TMEM132C: variants seen among roughly 807,000 people sequenced by gnomAD.
The protein encoded by TMEM132C is transmembrane protein 132C, also known as protein phosphatase 1, regulatory subunit 152.
TMEM132C carries 29 observed loss-of-function variants against 61.4 expected under a neutral mutation model. The observed-to-expected ratio is 0.47, with a 90% CI of 0.35 to 0.64. The LOEUF is 0.64. TMEM132C is among the 30% of genes least tolerant of loss of function. The pLI is 0.00. For missense variants in TMEM132C, 1,408 were observed against 1,476.9 expected (o/e 0.95, Z 0.76); for synonymous variants, 656 against 633.1 (o/e 1.04, Z -0.54).
rs186348886 is a variant in TMEM132C at position 128,570,725 on chromosome 12, T to G, written c.1121+26622T>G. Among the ~76,000 whole-genome samples, 4 of 152,338 alleles carry G rather than the reference T, an allele frequency of 2.6e-5. No individual in the cohort carries two copies. In the South Asian group the frequency reaches 6.2e-4, roughly 24 times the overall value. ...GACAGCTATACCCACAGGCATCTTA[T>G]TGTGTTCCAGGTAGAGCAAATGGAG... On this transcript the variant is annotated intron_variant, in intron 3 of 8. Transcript: ENST00000435159. This position sits in a 1 kb window ranked among gnomAD's most constrained non-coding sequence, Gnocchi z 4.7.
Position 128,415,343 on chromosome 12 carries a change from C to A in TMEM132C, c.697C>A (p.His233Asn), listed in dbSNP as rs1161013077. 4 of 1,581,208 alleles carry A rather than the reference C, an allele frequency of 2.5e-6. No individual in the cohort carries two copies. The East Asian group carries it at 9.3e-5, about 37-fold the overall frequency. ...CCCTGTGGAGCTCTACTACACCGTGCACCCAGGAAACGAGCGAGGGGACTG... is the reference window on the plus strand; with the variant it reads ...CCCTGTGGAGCTCTACTACACCGTGAACCCAGGAAACGAGCGAGGGGACTG... The part of the protein sequence containing the change: ...GTPVELYYTV[H>N]PGNERGDCAG... The change falls in exon 2 of 9, where the codon CAC (histidine) becomes AAC (asparagine). Residue 233 changes from histidine (H) to asparagine (N), a missense_variant. Physicochemically the swap from His to Asn is moderately conservative, Grantham distance 68 (BLOSUM62 1). Coordinates refer to ENST00000435159, the MANE Select transcript of TMEM132C (RefSeq NM_001136103.3). This position sits in a 1 kb window ranked among gnomAD's most constrained non-coding sequence, Gnocchi z 5.8.
chr12:128,591,344 T>A (rs780009016), intron 3 of TMEM132C, among the ~76,000 whole-genome samples: 9 of 152,176 alleles, frequency 5.9e-5, no homozygotes, highest in Non-Finnish European at 1.0e-4. Flanking sequence ...TCTGGGCGTT[T>A]CGTGTCAGTG....
intron 1 of TMEM132C, among the ~76,000 whole-genome samples, chr12:128,409,208 G>T (rs918849289): frequency 1.3e-5 from 2 of 152,132 alleles, no homozygotes; most frequent in Non-Finnish European, 2.9e-5. Context: ...TCTTAGCAAA[G>T]AAAATATTCA....
intron 1 of TMEM132C, among the ~76,000 whole-genome samples, chr12:128,297,299 A>C (rs1370449016): frequency 3.9e-5 from 6 of 152,186 alleles, no homozygotes; most frequent in African/African-American, 1.2e-4. Flanking sequence ...GCTGGACGTG[A>C]TGGCCTCCTG....
At chr12:128,355,365 C>G (rs1420446011) in intron 1 of TMEM132C, among the ~76,000 whole-genome samples, 2 of 152,110 alleles carry the variant, frequency 1.3e-5, no homozygotes, top group Non-Finnish European at 2.9e-5. Flanking sequence ...TGACAGGATG[C>G]ACAGTGAAGT....
chr12:128,354,353 CT>C (rs1873434098), intron 1 of TMEM132C, among the ~76,000 whole-genome samples: 1 of 151,922 alleles, frequency 6.6e-6, no homozygotes, highest in African/African-American at 2.4e-5. Context: ...TTCTTCCTCT[CT>C]TTCTTCTTTC....
At chr12:128,574,223 G>A (rs577567397) in intron 3 of TMEM132C, among the ~76,000 whole-genome samples, 43 of 152,006 alleles carry the variant, frequency 2.8e-4, no homozygotes, top group Admixed American at 3.9e-4. Flanking sequence ...CTTTTATATC[G>A]CTCAGAGCAT....
chr12:128,622,360 A>AAAAAAAATATATATAT (rs1277080166), intron 4 of TMEM132C, among the ~76,000 whole-genome samples: 9 of 30,124 alleles, frequency 3.0e-4, no homozygotes, highest in Non-Finnish European at 3.8e-4. Context: ...AAAAAAAAAA[A>AAAAAAAATATATATAT]ATATATATAT....
At chr12:128,412,016 A>G (rs1434054928) in intron 1 of TMEM132C, among the ~76,000 whole-genome samples, 1 of 152,220 alleles carries the variant, frequency 6.6e-6, no homozygotes, top group Admixed American at 6.5e-5. Flanking sequence ...TGTCCAAAAC[A>G]AATTTACTCA....
At chr12:128,646,476 TCCA>T (rs1566001347) in intron 4 of TMEM132C, among the ~76,000 whole-genome samples, 3,278 of 147,324 alleles carry the variant, frequency 0.022, 179 homozygotes, top group African/African-American at 0.081. Flanking sequence ...TTTACTGGAG[TCCA>T]TCAGCGCTGG....
In TMEM132C at chr12:128,695,997, T is replaced by C; in HGVS notation, c.1823T>C (p.Ile608Thr). 2 of 1,551,800 alleles carry C rather than the reference T, an allele frequency of 1.3e-6. No individual in the cohort carries two copies. Among genetic ancestry groups the C allele is most frequent in the Non-Finnish European group, 1.7e-6 (2 of 1,147,016 alleles). The change falls in exon 7 of 9, where the codon ATC becomes ACC. Residue 608 changes from isoleucine (I) to threonine (T), a missense_variant. Ile to Thr is a moderately conservative substitution (Grantham distance 89, BLOSUM62 -1). Coordinates refer to ENST00000435159, the MANE Select transcript of TMEM132C (RefSeq NM_001136103.3). ...CTTAGTCCTAACTGGCAGTTCGACA[T>C]CACTCACCTGGTGGCAGACTTCATG... ...YLLSPNWQFD[I>T]THLVADFMKL... is the part of the protein sequence containing the mutation.
intron 4 of TMEM132C, among the ~76,000 whole-genome samples, chr12:128,620,511 G>A (rs1953954082): frequency 6.6e-6 from 1 of 152,154 alleles, no homozygotes; most frequent in Admixed American, 6.5e-5. Context: ...TAGCGTCATG[G>A]ACTTTCTTCC....
At chr12:128,349,366 G>C (rs1873268750) in intron 1 of TMEM132C, among the ~76,000 whole-genome samples, 1 of 152,200 alleles carries the variant, frequency 6.6e-6, no homozygotes, top group African/African-American at 2.4e-5. Context: ...GGGCAGAGCT[G>C]CCTGCCAGGT....
chr12:128,305,430 G>T (rs1250204526), intron 1 of TMEM132C, among the ~76,000 whole-genome samples: 3 of 151,940 alleles, frequency 2.0e-5, no homozygotes, highest in Admixed American at 6.6e-5. Context: ...GAGCTGGAAG[G>T]CCTGAATCCT....
At chr12:128,356,825 T>C (rs995733300) in intron 1 of TMEM132C, among the ~76,000 whole-genome samples, 1 of 152,250 alleles carries the variant, frequency 6.6e-6, no homozygotes, top group African/African-American at 2.4e-5. Flanking sequence ...TTGTCAGTTA[T>C]GGGGGCAGGA....
chr12:128,367,746 A>T (rs73159803), intron 1 of TMEM132C, among the ~76,000 whole-genome samples: 5,525 of 152,238 alleles, frequency 0.036, 193 homozygotes, highest in African/African-American at 0.086. Flanking sequence ...AAAAAGTAAA[A>T]AAAAAAAATC....
intron 3 of TMEM132C, among the ~76,000 whole-genome samples, chr12:128,552,775 G>T (rs191104471): frequency 1.8e-4 from 27 of 152,258 alleles, no homozygotes; most frequent in African/African-American, 5.3e-4. Flanking sequence ...GTTCATGGTG[G>T]TGCGTGCCTG....
intron 1 of TMEM132C, among the ~76,000 whole-genome samples, chr12:128,287,497 A>G (rs1871111801): frequency 1.2e-5 from 1 of 85,986 alleles, no homozygotes; most frequent in African/African-American, 3.0e-5. Flanking sequence ...ATCTATATCT[A>G]TATCTATATC....
intron 1 of TMEM132C, among the ~76,000 whole-genome samples, chr12:128,348,761 T>C (rs891531071): frequency 2.0e-5 from 3 of 152,202 alleles, no homozygotes; most frequent in Non-Finnish European, 1.5e-5. Flanking sequence ...TGTTTACTTA[T>C]TTATTTCCTA....
Sources: gnomAD v4.1 joint callset for allele counts (sites outside exome capture counted in the v4.1 genomes callset) on GRCh38, gnomAD v4.1.1 for gene constraint, Gnocchi (gnomAD v3.1) non-coding constraint, MANE v1.5 for transcripts, NCBI Gene and HGNC (gene_info 2026-07-23, HGNC 2026-07-21) for gene names.